The following ZNF264 variants were observed in gnomAD, a reference collection of about 807,000 sequenced individuals.
ZNF264 encodes zinc finger protein 264.
ZNF264 carries 11 observed loss-of-function variants against 11.2 expected under a neutral mutation model. The observed-to-expected ratio is 0.98, with a 90% CI of 0.62 to 1.63. ZNF264 has a LOEUF of 1.63. Among genes scored for constraint, ZNF264 ranks in the 40% most tolerant of loss-of-function variants. The probability of loss-of-function intolerance (pLI) is 0.00; values close to 1 mark genes in which losing one functional copy is unlikely to be tolerated. For synonymous variants in ZNF264, 309 were observed against 279.8 expected, an observed-to-expected ratio of 1.10 and a Z score of -1.04; for missense variants, 752 against 768.1, an observed-to-expected ratio of 0.98 and a Z score of 0.25.
At chr19:57,204,217 C>CA (rs34929108) in intron 2 of ZNF264, among the ~76,000 whole-genome samples, 17,979 of 84,222 alleles carry the variant, frequency 0.21, 1,267 homozygotes, top group African/African-American at 0.24. Flanking sequence ...GACTCCGTCT[C>CA]AAAAAAAAAA....
At chr19:57,195,598 C>G (rs1185845345) in intron 2 of ZNF264, among the ~76,000 whole-genome samples, 1 of 150,304 alleles carries the variant, frequency 6.7e-6, no homozygotes, top group Non-Finnish European at 1.5e-5. Flanking sequence ...TCCCATTGAC[C>G]TTAATCACAG....
intron 3 of ZNF264, among the ~76,000 whole-genome samples, chr19:57,208,190 G>T (rs1431098138): frequency 1.3e-5 from 2 of 152,174 alleles, no homozygotes; most frequent in African/African-American, 4.8e-5. Context: ...TAAAACAAAT[G>T]CTTGTGGCTC....
intron 2 of ZNF264, among the ~76,000 whole-genome samples, chr19:57,204,197 G>A (rs1042752887): frequency 7.0e-6 from 1 of 143,140 alleles, no homozygotes; most frequent in Non-Finnish European, 1.5e-5. Flanking sequence ...CAGCCTGGGC[G>A]ACAGAGCGAG....
At position 57,212,416 on chromosome 19, in the gene ZNF264, C is replaced by G; in HGVS notation, c.1319C>G (p.Ser440Cys). ...SECGKAFTHC[S>C]TFILHKRAHT... ...TGTGGAAAGGCCTTCACCCACTGCT[C>G]TACTTTTATCTTGCATAAAAGGGCC... The change falls in exon 4 of 4, where the codon TCT becomes TGT. Residue 440 changes from serine to cysteine, a missense_variant. Physicochemically the swap from Ser to Cys is moderately radical, Grantham distance 112 (BLOSUM62 -1). Transcript: ENST00000263095. 6.2e-7 allele frequency: 1 copy of G among 1,614,184 alleles called. No homozygotes were observed. Among genetic ancestry groups the G allele is most frequent in the South Asian group, 1.1e-5 (1 of 91,084 alleles).
chr19:57,207,476 T>C (rs1302386271), intron 3 of ZNF264, among the ~76,000 whole-genome samples: 1 of 152,014 alleles, frequency 6.6e-6, no homozygotes, highest in South Asian at 2.1e-4. Context: ...CCTTTCTTCA[T>C]TTATATTCTG....
At chr19:57,207,834 C>A (rs533436176) in intron 3 of ZNF264, among the ~76,000 whole-genome samples, 1 of 151,668 alleles carries the variant, frequency 6.6e-6, no homozygotes, top group Non-Finnish European at 1.5e-5. Flanking sequence ...TCAAGCGATT[C>A]TCCTGCCTCA....
In ZNF264 at chr19:57,212,102, T is replaced by G. The variant is rs116502096; in HGVS notation, c.1005T>G (p.Val335=). The G allele has an allele frequency of 8.7e-6, 14 of 1,614,042 alleles. No homozygotes were observed. The highest frequency in any genetic ancestry group is 1.1e-5 in the Non-Finnish European group (13 of 1,179,998). Residue 335 remains valine (V), a synonymous_variant, in exon 4 of 4, where the codon GTT becomes GTG. Transcript: ENST00000263095. ...GGCCAGGCTTTCTCCGGCACTATGT[T>G]GTCCACAGTGGTGAGAATCCCTATG... The part of the protein sequence containing the change: ...RHRPGFLRHY[V]VHSGENPYEC...
chr19:57,194,203 C>G, intron 2 of ZNF264: 1 of 655,226 alleles, frequency 1.5e-6, no homozygotes, highest in Non-Finnish European at 2.3e-6. Context: ...CTTTGGCTCC[C>G]AGCCAAAGGA....
Position 57,200,778 on chromosome 19 carries a change from G to A in ZNF264, c.161-4619G>A, listed in dbSNP as rs1010893938. On this transcript the variant is annotated intron_variant, in intron 2 of 3. Transcript: ENST00000263095. ...AGGTGTGTGCCACCACACCCAGTTC[G>A]TTTTTGTATTTTTATTAAAGACGGG... Among the ~76,000 whole-genome samples, 48 of 151,394 alleles carry A rather than the reference G, an allele frequency of 3.2e-4. 1 individual carries two copies. Among genetic ancestry groups the A allele is most frequent in the Admixed American group, 3.0e-3 (45 of 15,178 alleles).
intron 3 of ZNF264, among the ~76,000 whole-genome samples, chr19:57,207,957 C>T (rs1017700168): frequency 2.0e-5 from 3 of 152,020 alleles, no homozygotes; most frequent in African/African-American, 7.2e-5. Flanking sequence ...AACTCCTGAC[C>T]TCAGGTGATC....
Position 57,212,491 on chromosome 19 carries a change from G to A in ZNF264, c.1394G>A (p.Ser465Asn). ...FECKECGKAFSNRKDLIRHFS... is the reference protein window; with the variant it reads ...FECKECGKAFNNRKDLIRHFS... ...TGCAAAGAGTGTGGGAAAGCCTTTA[G>A]CAATCGGAAGGACCTCATTCGCCAC... The change falls in exon 4 of 4, where the codon AGC becomes AAC. Residue 465 changes from serine (S) to asparagine (N), a missense_variant. Ser to Asn is a conservative substitution (Grantham distance 46). Coordinates refer to ENST00000263095, the MANE Select transcript of ZNF264 (RefSeq NM_003417.5). 1 of 1,613,210 alleles carries A rather than the reference G, an allele frequency of 6.2e-7. No individual in the cohort carries two copies. Among genetic ancestry groups the A allele is most frequent in the Non-Finnish European group, 8.5e-7 (1 of 1,179,814 alleles).
intron 2 of ZNF264, among the ~76,000 whole-genome samples, chr19:57,196,799 T>A (rs1021022686): frequency 6.6e-6 from 1 of 151,924 alleles, no homozygotes; most frequent in Non-Finnish European, 1.5e-5. Context: ...TCCCCAGATT[T>A]CTTTGTCACC....
At chr19:57,208,724 G>T (rs529373318) in intron 3 of ZNF264, among the ~76,000 whole-genome samples, 1 of 152,126 alleles carries the variant, frequency 6.6e-6, no homozygotes, top group Non-Finnish European at 1.5e-5. Context: ...TTATTGGTTT[G>T]TAGGCTATGC....
At chr19:57,207,085 G>A (rs945736745) in intron 3 of ZNF264, among the ~76,000 whole-genome samples, 5 of 147,064 alleles carry the variant, frequency 3.4e-5, no homozygotes, top group Non-Finnish European at 6.0e-5. Flanking sequence ...AATCTCAAAA[G>A]CACAAAACTC....
Position 57,212,911 on chromosome 19 carries a change from C to T in ZNF264, c.1814C>T (p.Pro605Leu). The change falls in exon 4 of 4, where the codon CCA (proline) becomes CTA (leucine). Residue 605 changes from proline to leucine, a missense_variant. Physicochemically the swap from Pro to Leu is moderately conservative, Grantham distance 98. Transcript: ENST00000263095. ...LNVTTEANIL[P>L]EETSSSASDQ... Reference sequence around the variant, plus strand: ...GTAACCACTGAGGCAAATATTTTGCCAGAGGAAACATCTTCCTCTGCATCT... The same window carrying T: ...GTAACCACTGAGGCAAATATTTTGCTAGAGGAAACATCTTCCTCTGCATCT... 6.2e-7 allele frequency: 1 copy of T among 1,614,126 alleles called. No homozygotes were observed. Among genetic ancestry groups the T allele is most frequent in the Non-Finnish European group, 8.5e-7 (1 of 1,180,006 alleles).
intron 1 of ZNF264, among the ~76,000 whole-genome samples, chr19:57,192,812 G>A (rs909958628): frequency 6.6e-6 from 1 of 152,120 alleles, no homozygotes; most frequent in Non-Finnish European, 1.5e-5. Flanking sequence ...GCTCACTGCA[G>A]TCTCTGCCTC....
chr19:57,216,450 GTACATA>G lies in ZNF264; in HGVS notation c.*3475_*3480del, dbSNP rs1035653472. On this transcript the variant is annotated 3_prime_UTR_variant, in exon 4 of 4. Transcript: ENST00000263095. ...GCAAAGTTCAAAGCTGTATTGTTTGGTACATATACATGTAGGTTTGCCAAGTCTTTG... is the reference window on the plus strand; with the variant it reads ...GCAAAGTTCAAAGCTGTATTGTTTGGTACATGTAGGTTTGCCAAGTCTTTG... The G allele has an allele frequency of 5.3e-5, 8 of 152,292 alleles. No homozygotes were observed. The highest frequency in any genetic ancestry group is 1.9e-4 in the African/African-American group (8 of 41,564). The allele number at this position is 152,292 out of a possible 1,614,324, so 9.4% of individuals were successfully genotyped here.
chr19:57,192,572 T>C (rs2087182292), intron 1 of ZNF264: 1 of 985,104 alleles, frequency 1.0e-6, no homozygotes, highest in Admixed American at 6.2e-5. Flanking sequence ...CGATGGTTGG[T>C]TCATTGTGGA....
At chr19:57,200,103 CTT>C (rs771900553) in intron 2 of ZNF264, among the ~76,000 whole-genome samples, 4 of 151,724 alleles carry the variant, frequency 2.6e-5, no homozygotes, top group Non-Finnish European at 5.9e-5. Flanking sequence ...CTGAGTGAGT[CTT>C]ATCTCCTGTA....
Sources: allele counts gnomAD v4.1 joint callset (sites outside exome capture counted in the v4.1 genomes callset), GRCh38; gene constraint gnomAD v4.1.1; transcripts MANE v1.5; gene names NCBI Gene and HGNC (gene_info 2026-07-23, HGNC 2026-07-21).